The following SLC14A2 variants were observed in gnomAD, a reference collection of about 807,000 sequenced individuals.
SLC14A2 encodes the protein solute carrier family 14 member 2.
SLC14A2 carries 91 observed loss-of-function variants against 104.6 expected under a neutral mutation model. The ratio of observed to expected loss-of-function variants is 0.87; its 90% CI spans 0.73 to 1.04. The LOEUF is 1.04. Ranked by LOEUF, SLC14A2 falls within the 50% of genes least tolerant of loss-of-function variation. The pLI is 0.00. For missense variants in SLC14A2, 1,189 were observed against 1,156.0 expected (o/e 1.03, Z -0.41); for synonymous variants, 476 against 466.4 (o/e 1.02, Z -0.27).
chr18:45,538,499 G>A (rs751891427), intron 2 of SLC14A2, among the ~76,000 whole-genome samples: 4 of 152,204 alleles, frequency 2.6e-5, no homozygotes, highest in Non-Finnish European at 4.4e-5. Context: ...GTTGTTGGCA[G>A]GCCTCAGTTC....
intron 2 of SLC14A2, among the ~76,000 whole-genome samples, chr18:45,511,514 C>A (rs2043365379): frequency 6.6e-6 from 1 of 152,166 alleles, no homozygotes; most frequent in Non-Finnish European, 1.5e-5. Flanking sequence ...CTCCCACCAC[C>A]CTTAGTACAC....
chr18:45,397,017 T>G (rs747591836), intron 1 of SLC14A2, among the ~76,000 whole-genome samples: 1 of 152,228 alleles, frequency 6.6e-6, no homozygotes, highest in Non-Finnish European at 1.5e-5. Context: ...TATGGTGACA[T>G]AGTATTCCTT....
chr18:45,471,491 A>G (rs1300510111), intron 1 of SLC14A2, among the ~76,000 whole-genome samples: 1 of 151,964 alleles, frequency 6.6e-6, no homozygotes, highest in Non-Finnish European at 1.5e-5. Context: ...CTCCAAATAC[A>G]TTTTCTATTC....
chr18:45,456,445 G>A (rs2086945043), intron 1 of SLC14A2, among the ~76,000 whole-genome samples: 1 of 152,236 alleles, frequency 6.6e-6, no homozygotes. Flanking sequence ...CTGAAGGCAG[G>A]AGTCCAGCCT....
intron 10 of SLC14A2, among the ~76,000 whole-genome samples, chr18:45,656,555 T>G (rs1299841664): frequency 6.6e-6 from 1 of 152,200 alleles, no homozygotes; most frequent in Non-Finnish European, 1.5e-5. Flanking sequence ...TTAGGAAGAC[T>G]GATGATACAG....
At position 45,641,371 on chromosome 18, in the gene SLC14A2, G is replaced by A. The variant is rs576301998; in HGVS notation, c.1126+28G>A. 1.9e-6 allele frequency: 3 copies of A among 1,613,132 alleles called. No individual in the cohort carries two copies. The African/African-American group carries it at 4.0e-5, about 22-fold the overall frequency. ...AGGTGTTCAGAAAAGCTGACAACCA[G>A]GTTATTCTGGCTATTCCTTCCCCCC... On this transcript the variant is annotated intron_variant, in intron 8 of 19. Transcript: ENST00000255226.
chr18:45,286,728 G>A (rs1319841690), intron 1 of SLC14A2, among the ~76,000 whole-genome samples: 1 of 151,918 alleles, frequency 6.6e-6, no homozygotes, highest in Non-Finnish European at 1.5e-5. Flanking sequence ...TTGTGTGTGT[G>A]TGTGTGTGTC....
intron 1 of SLC14A2, among the ~76,000 whole-genome samples, chr18:45,405,210 A>G (rs1246312263): frequency 6.6e-6 from 1 of 152,196 alleles, no homozygotes; most frequent in African/African-American, 2.4e-5. Flanking sequence ...CAGCTCCAAG[A>G]ACAAAAGACA....
intron 2 of SLC14A2, among the ~76,000 whole-genome samples, chr18:45,563,935 G>A (rs938917535): frequency 3.3e-5 from 5 of 152,100 alleles, no homozygotes; most frequent in African/African-American, 9.7e-5. Flanking sequence ...GAGATTTCAG[G>A]GCATTTTTTC....
intron 1 of SLC14A2, among the ~76,000 whole-genome samples, chr18:45,279,496 G>C (rs1599638451): frequency 6.6e-6 from 1 of 152,138 alleles, no homozygotes; most frequent in South Asian, 2.1e-4. Flanking sequence ...CAAGTGATCT[G>C]AATGTGGTTT....
At chr18:45,634,805 A>C (rs1271111036) in intron 5 of SLC14A2, 1 of 457,222 alleles carries the variant, frequency 2.2e-6, no homozygotes, top group East Asian at 6.9e-5. Flanking sequence ...AATCTAAACA[A>C]ATCACTCTGT....
intron 5 of SLC14A2, 94 bp from the exon 6 acceptor site, chr18:45,636,896 A>AGGAG: frequency 1.1e-6 from 1 of 898,754 alleles, no homozygotes; most frequent in East Asian, 2.4e-5. Context: ...TGCCTAGGAG[A>AGGAG]GGAGGCAGTG....
At chr18:45,243,045 G>T (rs1764254249) in intron 1 of SLC14A2, among the ~76,000 whole-genome samples, 2 of 152,158 alleles carry the variant, frequency 1.3e-5, no homozygotes, top group Non-Finnish European at 2.9e-5. Flanking sequence ...TGAAAAAACT[G>T]GGGCTCAGAA....
intron 4 of SLC14A2, 94 bp from the exon 5 acceptor site, chr18:45,632,256 T>A (rs1280906502): frequency 6.9e-7 from 1 of 1,450,714 alleles, no homozygotes; most frequent in Non-Finnish European, 9.3e-7. Flanking sequence ...ATTAAAGGAA[T>A]CATCTAAATT....
chr18:45,174,300 C>A, the SLC14A2 span, among the ~76,000 whole-genome samples: 2 of 152,114 alleles, frequency 1.3e-5, no homozygotes, highest in East Asian at 3.9e-4. Context: ...CATTTTTCTT[C>A]TTTACTGATG....
intron 1 of SLC14A2, among the ~76,000 whole-genome samples, chr18:45,373,278 C>T (rs1251542560): frequency 2.0e-5 from 3 of 152,194 alleles, no homozygotes; most frequent in Non-Finnish European, 4.4e-5. Flanking sequence ...TATCTTCACA[C>T]ATTTATATTA....
At chr18:45,198,227 A>C in the SLC14A2 span, among the ~76,000 whole-genome samples, 2 of 152,158 alleles carry the variant, frequency 1.3e-5, no homozygotes, top group Admixed American at 6.6e-5. Flanking sequence ...AAAGTTTAAT[A>C]ATACCTGGGC....
At chr18:45,574,317 G>A (rs2044390069) in intron 2 of SLC14A2, among the ~76,000 whole-genome samples, 1 of 152,212 alleles carries the variant, frequency 6.6e-6, no homozygotes, top group Non-Finnish European at 1.5e-5. Context: ...TCATGGAAGA[G>A]AAGAGGATAG....
intron 1 of SLC14A2, among the ~76,000 whole-genome samples, chr18:45,395,165 A>C (rs1178737483): frequency 1.3e-5 from 2 of 152,234 alleles, no homozygotes; most frequent in Non-Finnish European, 2.9e-5. Flanking sequence ...GATTTTTGGA[A>C]AATGTTATAT....
Sources: allele counts gnomAD v4.1 joint callset (sites outside exome capture counted in the v4.1 genomes callset), GRCh38; gene constraint gnomAD v4.1.1; transcripts MANE v1.5; gene names NCBI Gene and HGNC (gene_info 2026-07-23, HGNC 2026-07-21).